Variants in KRT79 observed in about 807,000 individuals in gnomAD.
KRT79 encodes the protein keratin, type II cytoskeletal 79.
In KRT79, 51 loss-of-function variants were observed where a neutral mutation model predicts 49.0. The ratio of observed to expected loss-of-function variants is 1.04; its 90% CI spans 0.83 to 1.31. The LOEUF is 1.31. Ranked by LOEUF, KRT79 falls within the 40% of genes most tolerant of loss-of-function variation. The probability of loss-of-function intolerance (pLI) is 0.00; values close to 1 mark genes in which losing one functional copy is unlikely to be tolerated. For synonymous variants in KRT79, 312 were observed against 286.6 expected (o/e 1.09, Z -0.90); for missense variants, 728 against 688.0 (o/e 1.06, Z -0.65).
At chr12:52,828,944 T>C (rs898600641) in intron 4 of KRT79, among the ~76,000 whole-genome samples, 7 of 152,066 alleles carry the variant, frequency 4.6e-5, no homozygotes, top group East Asian at 1.9e-4. Flanking sequence ...AAGAAGACAA[T>C]TGGGCAAAGT....
rs199591843 is a variant in KRT79, at chr12:52,830,230, A to G, written c.759+2T>C. The G allele has an allele frequency of 6.3e-5, 101 of 1,614,000 alleles. No individual in the cohort carries two copies. The highest frequency in any genetic ancestry group is 1.3e-5 in the African/African-American group (1 of 74,900). The stretch of plus-strand genomic sequence containing the variant: ...CCACCTCCCCCACTCCACTCGGCTC[A>G]CCTTCTTGAGCACCACAAACTCGTT... On this transcript the variant is annotated splice_donor_variant, in intron 3 of 8. Coordinates refer to ENST00000330553, the MANE Select transcript of KRT79 (RefSeq NM_175834.3). LOFTEE classifies it high-confidence loss of function.
At chr12:52,825,416 CTG>C (rs1276713018) in intron 4 of KRT79, among the ~76,000 whole-genome samples, 3 of 152,174 alleles carry the variant, frequency 2.0e-5, no homozygotes, top group Non-Finnish European at 4.4e-5. Context: ...GATTCAGGCT[CTG>C]TGTTAGGCAT....
In KRT79 at chr12:52,823,934, G is replaced by A. The variant is rs139650747; in HGVS notation, c.1099C>T (p.Arg367Cys). 74 of 1,614,030 alleles carry A rather than the reference G, an allele frequency of 4.6e-5. 1 individual carries two copies. The African/African-American group carries it at 6.0e-4, about 13-fold the overall frequency. Residue 367 changes from arginine to cysteine, a missense_variant, in exon 6 of 9, where the codon CGC (arginine) becomes TGC (cysteine). Coordinates refer to ENST00000330553, the MANE Select transcript of KRT79 (RefSeq NM_175834.3). Reference protein sequence around the residue: ...DTKNEIAELTRTIQRLQGEAD... With the variant: ...DTKNEIAELTCTIQRLQGEAD... The stretch of plus-strand genomic sequence containing the variant: ...TCCCCCTGCAGCCTCTGGATAGTGC[G>A]GGTGAGCTCAGCAATCTCGTTCTTG...
At chr12:52,833,109 CAAG>C (rs1275401335) in intron 1 of KRT79, among the ~76,000 whole-genome samples, 42 of 152,302 alleles carry the variant, frequency 2.8e-4, no homozygotes, top group African/African-American at 1.0e-3. Context: ...GAGGCAAGGG[CAAG>C]GTTCAGGGCA....
At chr12:52,830,361 C>G in intron 2 of KRT79, 69 bp from the exon 3 acceptor site, 2 of 1,408,958 alleles carry the variant, frequency 1.4e-6, no homozygotes, top group African/African-American at 1.4e-5. Flanking sequence ...ACCCACTCAG[C>G]CTTACAGAAG....
intron 4 of KRT79, among the ~76,000 whole-genome samples, chr12:52,827,475 G>T (rs1245966552): frequency 1.3e-5 from 2 of 152,172 alleles, no homozygotes; most frequent in Non-Finnish European, 2.9e-5. Flanking sequence ...GAACCTAATG[G>T]ACCACAAGGA....
chr12:52,833,902 T>A lies in KRT79; in HGVS notation c.359A>T (p.Asn120Ile). Residue 120 changes from asparagine to isoleucine, a missense_variant, in exon 1 of 9, where the codon AAC becomes ATC. Asn to Ile is a moderately radical substitution (Grantham distance 149). Coordinates refer to ENST00000330553, the MANE Select transcript of KRT79 (RefSeq NM_175834.3). ...PPGGIQEVTV[N>I]QSLLTPLHVE... ...ATGGAGGGGGGTCAGCAGGCTCTGGTTGACAGTGACCTCCTGGATCCCCCC... is the reference window on the plus strand; with the variant it reads ...ATGGAGGGGGGTCAGCAGGCTCTGGATGACAGTGACCTCCTGGATCCCCCC... The A allele has an allele frequency of 6.2e-7, 1 of 1,613,900 alleles. No homozygotes were observed. The highest frequency in any genetic ancestry group is 8.5e-7 in the Non-Finnish European group (1 of 1,179,910).
chr12:52,827,012 C>T (rs1012946774), intron 4 of KRT79, among the ~76,000 whole-genome samples: 10 of 152,220 alleles, frequency 6.6e-5, no homozygotes, highest in Admixed American at 6.5e-4. Context: ...TTGCCTCCTG[C>T]TCACCTAACT....
At position 52,821,814 on chromosome 12, in the gene KRT79, AGAGGTGGGGT is replaced by A; in HGVS notation, c.*48_*57del. On this transcript the variant is annotated 3_prime_UTR_variant, in exon 9 of 9. Coordinates refer to ENST00000330553, the MANE Select transcript of KRT79 (RefSeq NM_175834.3). ...CTGAGAAGTGACTGGAAAGGACAGC[AGAGGTGGGGT>A]GAGGAGGGCAGGGACAGGATTGCAG... The A allele has an allele frequency of 6.7e-7, 1 of 1,484,108 alleles. No homozygotes were observed. The highest frequency in any genetic ancestry group is 9.3e-7 in the Non-Finnish European group (1 of 1,073,010). The allele number at this position is 1,484,108 out of a possible 1,614,324, so 91.9% of individuals were successfully genotyped here.
chr12:52,833,072 A>C (rs1940277717), intron 1 of KRT79, among the ~76,000 whole-genome samples: 1 of 152,184 alleles, frequency 6.6e-6, no homozygotes. Context: ...AGGAAATCCC[A>C]GCACAAGTGT....
Position 52,822,385 on chromosome 12 carries a change from G to T in KRT79, c.1368-6C>A. The T allele has an allele frequency of 1.3e-6, 2 of 1,585,136 alleles. No individual in the cohort carries two copies. The highest frequency in any genetic ancestry group is 8.6e-7 in the Non-Finnish European group (1 of 1,164,454). On this transcript the variant is annotated splice_region_variant and splice_polypyrimidine_tract_variant and intron_variant, in intron 7 of 8. Transcript: ENST00000330553. ...TGGGACATTCTCCAGACATCCTAGG[G>T]GACACAGAAAGGCCAGGAGAGCAGT...
chr12:52,822,863 G>A (rs1940114367), intron 7 of KRT79, among the ~76,000 whole-genome samples, 153 bp downstream of exon 7: 1 of 152,116 alleles, frequency 6.6e-6, no homozygotes, highest in Admixed American at 6.5e-5. Flanking sequence ...GAGTGATGGA[G>A]GCAGTGGGCA....
chr12:52,832,762 A>T (rs1440430426), intron 1 of KRT79, among the ~76,000 whole-genome samples: 1 of 152,148 alleles, frequency 6.6e-6, no homozygotes, highest in East Asian at 1.9e-4. Flanking sequence ...TAGTGCCAAG[A>T]ACCACAGAGT....
chr12:52,830,168 C>T (rs749417965), intron 3 of KRT79, 50 bp from the exon 4 acceptor site: 1 of 1,612,112 alleles, frequency 6.2e-7, no homozygotes, highest in Non-Finnish European at 8.5e-7. Context: ...GATGTCCCCT[C>T]TCCCCGAATC....
rs1264064642 is a variant in KRT79 at position 52,834,225 on chromosome 12, T to A, written c.36A>T (p.Thr12=). 4.3e-6 allele frequency: 7 copies of A among 1,613,426 alleles called. No homozygotes were observed. In the South Asian group the frequency reaches 6.6e-5, roughly 15 times the overall value. ...RSSVSRQTYS[T]KGGFSSNSAS... ...CAGAGTTGGAGCTGAAGCCCCCTTT[T>A]GTGGAGTATGTTTGCCGAGAGACGG... is the stretch of plus-strand genomic sequence containing the variant. Residue 12 remains threonine (T), a synonymous_variant, in exon 1 of 9, where the codon ACA becomes ACT. Transcript: ENST00000330553.
At chr12:52,827,694 C>T (rs1940196088) in intron 4 of KRT79, among the ~76,000 whole-genome samples, 1 of 152,158 alleles carries the variant, frequency 6.6e-6, no homozygotes. Context: ...GAACTCTAGG[C>T]AGAAATAACA....
rs112987930 is a variant in KRT79 at position 52,822,801 on chromosome 12, C to A, written c.1367+215G>T. ...GTGGAAGAGGAAGTTCCATTCCTAC[C>A]GGGCTGTCAGCCACAGTAAAGATTA... On this transcript the variant is annotated intron_variant, in intron 7 of 8. Transcript: ENST00000330553. Among the ~76,000 whole-genome samples, 669 of 152,270 alleles carry A rather than the reference C, an allele frequency of 4.4e-3. 4 individuals carry two copies. The highest frequency in any genetic ancestry group is 0.015 in the African/African-American group (611 of 41,554).
At position 52,822,347 on chromosome 12, in the gene KRT79, A is replaced by G; in HGVS notation, c.1400T>C (p.Ile467Thr). ...GGAAGTGGGGAGTAAATACTCACAA[A>G]TGCTGACTGCACTGGGACATTCTCC... ...MSGECPSAVSISVTGNSTTVC... is the reference protein window; with the variant it reads ...MSGECPSAVSTSVTGNSTTVC... Residue 467 changes from isoleucine (I) to threonine (T), a missense_variant and splice_region_variant, in exon 8 of 9, where the codon ATT (isoleucine) becomes ACT (threonine). By Grantham distance (89) the Ile-to-Thr change is moderately conservative (BLOSUM62 -1). Coordinates refer to ENST00000330553, the MANE Select transcript of KRT79 (RefSeq NM_175834.3). The G allele has an allele frequency of 6.2e-7, 1 of 1,607,176 alleles. No homozygotes were observed. Among genetic ancestry groups the G allele is most frequent in the Non-Finnish European group, 8.5e-7 (1 of 1,176,666 alleles).
chr12:52,824,456 G>T, intron 4 of KRT79, 94 bp from the exon 5 acceptor site: 1 of 1,308,698 alleles, frequency 7.6e-7, no homozygotes, highest in Non-Finnish European at 1.1e-6. Context: ...GTAGCATCAG[G>T]AGGCCTGTGC....
Sources: allele counts gnomAD v4.1 joint callset (sites outside exome capture counted in the v4.1 genomes callset), GRCh38; gene constraint gnomAD v4.1.1; transcripts MANE v1.5; gene names NCBI Gene and HGNC (gene_info 2026-07-23, HGNC 2026-07-21).